Variants in GABRG3 observed in about 807,000 individuals in gnomAD.
GABRG3 encodes the protein gamma-aminobutyric acid receptor subunit gamma-3.
Under a neutral mutation model 48.8 loss-of-function variants are expected in GABRG3, and 25 were observed. The observed-to-expected ratio is 0.51, with a 90% CI of 0.37 to 0.72. The LOEUF (loss-of-function observed/expected upper bound fraction) is 0.72, where lower values mean the gene tolerates loss of function less well. Ranked by LOEUF, GABRG3 falls within the 30% of genes least tolerant of loss-of-function variation. The pLI is 0.00. For missense variants in GABRG3, 394 were observed against 577.9 expected (o/e 0.68, Z 3.26); for synonymous variants, 227 against 217.6 (o/e 1.04, Z -0.38).
chr15:27,306,220 A>C (rs1234718829), intron 3 of GABRG3, among the ~76,000 whole-genome samples: 3 of 114,920 alleles, frequency 2.6e-5, no homozygotes, highest in Non-Finnish European at 3.7e-5. Flanking sequence ...TATGTAATAT[A>C]AACATATGTT....
At chr15:27,283,932 A>T (rs966890534) in intron 3 of GABRG3, among the ~76,000 whole-genome samples, 1 of 152,234 alleles carries the variant, frequency 6.6e-6, no homozygotes, top group Non-Finnish European at 1.5e-5. Flanking sequence ...CTTCTCCAGA[A>T]TTAAAAGTTC....
At chr15:27,261,893 T>A (rs780456563) in intron 3 of GABRG3, among the ~76,000 whole-genome samples, 6 of 143,820 alleles carry the variant, frequency 4.2e-5, no homozygotes, top group Non-Finnish European at 7.4e-5. Context: ...TCTTCTGTTA[T>A]TTTCCCTGTA....
chr15:27,419,594 G>A (rs1888048558), intron 5 of GABRG3, among the ~76,000 whole-genome samples: 1 of 152,138 alleles, frequency 6.6e-6, no homozygotes. Context: ...GAGAATTATT[G>A]AGACTTTCAA....
At position 27,183,790 on chromosome 15, in the gene GABRG3, C is replaced by T. The variant is rs187521798; in HGVS notation, c.271-143019C>T. 5.8e-4 allele frequency among the ~76,000 whole-genome samples: 89 copies of T among 152,300 alleles called. 4 individuals are homozygous for T. Among genetic ancestry groups the T allele is most frequent in the Admixed American group, 5.2e-3 (79 of 15,294 alleles). ...TGTTAACAATTTTAAGCGTATTAAT[C>T]AGACAAATTTAATATATATTTAATC... On this transcript the variant is annotated intron_variant, in intron 3 of 9. Coordinates refer to ENST00000615808, the MANE Select transcript of GABRG3 (RefSeq NM_033223.5).
intron 2 of GABRG3, among the ~76,000 whole-genome samples, chr15:27,013,393 AT>A (rs1371341398): frequency 3.3e-5 from 5 of 151,942 alleles, no homozygotes; most frequent in African/African-American, 1.2e-4. Context: ...CCATTTGTCT[AT>A]TTTTGCTTCT....
chr15:27,118,418 T>C (rs1186207323), intron 3 of GABRG3, among the ~76,000 whole-genome samples: 1 of 152,162 alleles, frequency 6.6e-6, no homozygotes, highest in African/African-American at 2.4e-5. Flanking sequence ...TGTTTTATGT[T>C]ACTAATTCTG....
chr15:27,009,248 G>A (rs143262233), intron 2 of GABRG3, among the ~76,000 whole-genome samples: 3 of 152,138 alleles, frequency 2.0e-5, no homozygotes, highest in East Asian at 1.9e-4. Flanking sequence ...AGAACAAGCC[G>A]TCAGTGTTGT....
At chr15:27,026,922 ACT>A (rs1895994050) in intron 3 of GABRG3, 101 bp downstream of exon 3, 1 of 696,468 alleles carries the variant, frequency 1.4e-6, no homozygotes, top group South Asian at 2.5e-5. Flanking sequence ...CCGGTTTAAA[ACT>A]CACACTGACT....
intron 9 of GABRG3, among the ~76,000 whole-genome samples, chr15:27,532,295 G>A (rs566658444): frequency 6.6e-6 from 1 of 152,150 alleles, no homozygotes; most frequent in Admixed American, 6.5e-5. Flanking sequence ...GGATTGAAAA[G>A]ACCAGGGGTC....
At chr15:27,310,448 A>G (rs905765461) in intron 3 of GABRG3, among the ~76,000 whole-genome samples, 1 of 152,162 alleles carries the variant, frequency 6.6e-6, no homozygotes, top group African/African-American at 2.4e-5. Flanking sequence ...AGAGTTAACT[A>G]TAAACCATTA....
intron 3 of GABRG3, among the ~76,000 whole-genome samples, chr15:27,275,404 TA>T (rs1327193482): frequency 6.6e-6 from 1 of 152,236 alleles, no homozygotes. Flanking sequence ...TTAAATATTG[TA>T]AAATAACAAT....
At position 27,535,396 on chromosome 15, in the gene GABRG3, C is replaced by G. The variant is rs1430262184; in HGVS notation, c.*2515C>G. Reference sequence around the variant, plus strand: ...CAACATTTGGATATTGTTAGCAACCCTCCTGAAATTTTACATGTAGGATAA... The same window carrying G: ...CAACATTTGGATATTGTTAGCAACCGTCCTGAAATTTTACATGTAGGATAA... On this transcript the variant is annotated 3_prime_UTR_variant, in exon 10 of 10. Coordinates refer to ENST00000615808, the MANE Select transcript of GABRG3 (RefSeq NM_033223.5). 6.6e-6 allele frequency: 1 copy of G among 152,170 alleles called. No individual in the cohort carries two copies. The highest frequency in any genetic ancestry group is 2.4e-5 in the African/African-American group (1 of 41,442). 9.4% of individuals were successfully genotyped at this position (152,170 alleles called of 1,614,324 possible). A position where few individuals can be genotyped will look rare whatever the true frequency, so the allele number is the denominator to read the frequency against.
At chr15:27,336,651 T>G (rs1893986908) in intron 5 of GABRG3, among the ~76,000 whole-genome samples, 1 of 152,192 alleles carries the variant, frequency 6.6e-6, no homozygotes, top group African/African-American at 2.4e-5. Flanking sequence ...ACCTAGCGAT[T>G]GCAAGCTTGG....
At chr15:27,231,335 A>T (rs1215756915) in intron 3 of GABRG3, among the ~76,000 whole-genome samples, 1 of 152,250 alleles carries the variant, frequency 6.6e-6, no homozygotes, top group Non-Finnish European at 1.5e-5. Context: ...ACTAATGATA[A>T]CTAAGTCACA....
intron 3 of GABRG3, among the ~76,000 whole-genome samples, chr15:27,306,247 T>TAAC (rs1566767637): frequency 1.4e-4 from 18 of 131,250 alleles, no homozygotes; most frequent in Admixed American, 4.8e-4. Context: ...ATAAACATAA[T>TAAC]ATAAACATGT....
chr15:27,085,669 CTTTT>C (rs963254529), intron 3 of GABRG3, among the ~76,000 whole-genome samples: 11 of 152,018 alleles, frequency 7.2e-5, no homozygotes, highest in Non-Finnish European at 1.5e-4. Context: ...CAATAACAAA[CTTTT>C]TTTTGTTTAT....
Position 27,216,739 on chromosome 15 carries a change from T to TATTA in GABRG3, c.271-110070_271-110069insATTA, listed in dbSNP as rs1566968391. Among the ~76,000 whole-genome samples, 5 of 131,694 alleles carry TATTA rather than the reference T, an allele frequency of 3.8e-5. No homozygotes were observed. In the East Asian group the frequency reaches 9.9e-4, roughly 26 times the overall value. The allele number at this position is 131,694 out of a possible 152,430, so 86.4% of individuals were successfully genotyped here. On this transcript the variant is annotated intron_variant, in intron 3 of 9. Transcript: ENST00000615808. ...ACTTCTGACCAATTCATTTCTTTTT[T>TATTA]TTTTTTTATTTTTTATTTATTTATT...
At chr15:27,376,415 C>CA (rs1316975462) in intron 5 of GABRG3, among the ~76,000 whole-genome samples, 1 of 152,214 alleles carries the variant, frequency 6.6e-6, no homozygotes, top group Non-Finnish European at 1.5e-5. Flanking sequence ...GGACCAACCC[C>CA]ACATTTTCCT....
intron 5 of GABRG3, among the ~76,000 whole-genome samples, chr15:27,472,859 G>A (rs1433328959): frequency 6.6e-6 from 1 of 151,992 alleles, no homozygotes; most frequent in Non-Finnish European, 1.5e-5. Flanking sequence ...CTTAATCAGT[G>A]TTCTTAACAC....
Sources: allele counts gnomAD v4.1 joint callset (sites outside exome capture counted in the v4.1 genomes callset), GRCh38; gene constraint gnomAD v4.1.1; transcripts MANE v1.5; gene names NCBI Gene and HGNC (gene_info 2026-07-23, HGNC 2026-07-21).